The following NKAIN3 variants were observed in gnomAD, a reference collection of about 807,000 sequenced individuals.
NKAIN3 encodes the protein sodium/potassium-transporting ATPase subunit beta-1-interacting protein 3.
A neutral mutation model predicts 30.2 loss-of-function variants in NKAIN3; 25 were observed. The ratio of observed to expected loss-of-function variants is 0.83; its 90% CI spans 0.60 to 1.16. The LOEUF (loss-of-function observed/expected upper bound fraction) is 1.16, where lower values mean the gene tolerates loss of function less well. Among genes scored for constraint, NKAIN3 ranks in the 50% most tolerant of loss-of-function variants. The probability of loss-of-function intolerance (pLI) is 0.00; values close to 1 mark genes in which losing one functional copy is unlikely to be tolerated. For synonymous variants in NKAIN3, 91 were observed against 89.6 expected, an observed-to-expected ratio of 1.02 and a Z score of -0.09; for missense variants, 225 against 254.1, an observed-to-expected ratio of 0.89 and a Z score of 0.78.
intron 4 of NKAIN3, among the ~76,000 whole-genome samples, chr8:62,807,734 G>A (rs1318967174): frequency 1.3e-5 from 2 of 149,104 alleles, no homozygotes; most frequent in African/African-American, 4.9e-5. Flanking sequence ...TGTATTTTTG[G>A]TAGTGATGGG....
intron 3 of NKAIN3, among the ~76,000 whole-genome samples, chr8:62,700,097 T>C (rs1023433604): frequency 3.9e-5 from 6 of 152,090 alleles, no homozygotes; most frequent in African/African-American, 1.4e-4. Flanking sequence ...TGTACTCCAG[T>C]CTGGGCAATA....
In NKAIN3 at chr8:62,869,497, T is replaced by C. The variant is rs115129804; in HGVS notation, c.472-48956T>C. ...GATGAAATATTAGAAGAAAAGAAAA[T>C]TGTTTTATGGAAATGTTTCTCCAAT... On this transcript the variant is annotated intron_variant, in intron 4 of 6. Coordinates refer to ENST00000623646, the MANE Select transcript of NKAIN3 (RefSeq NM_001304533.3). Among the ~76,000 whole-genome samples, 1,302 of 152,266 alleles carry C rather than the reference T, an allele frequency of 8.6e-3. 17 individuals carry two copies. The highest frequency in any genetic ancestry group is 0.03 in the African/African-American group (1,253 of 41,546).
At chr8:62,315,986 AC>A (rs975350556) in intron 1 of NKAIN3, among the ~76,000 whole-genome samples, 7 of 152,048 alleles carry the variant, frequency 4.6e-5, no homozygotes, top group African/African-American at 1.7e-4. Context: ...GGGGGCGGTT[AC>A]CCCCTTGTTG....
chr8:62,876,083 C>T (rs181909781), intron 4 of NKAIN3, among the ~76,000 whole-genome samples: 1 of 152,110 alleles, frequency 6.6e-6, no homozygotes, highest in South Asian at 2.1e-4. Flanking sequence ...ACCCATCTGA[C>T]AAGGGTGTAA....
At chr8:62,463,353 G>A (rs1387717990) in intron 1 of NKAIN3, among the ~76,000 whole-genome samples, 1 of 152,092 alleles carries the variant, frequency 6.6e-6, no homozygotes, top group Non-Finnish European at 1.5e-5. Context: ...AATTCACCTT[G>A]GAATGCACAG....
intron 1 of NKAIN3, among the ~76,000 whole-genome samples, chr8:62,436,219 A>G (rs1468460624): frequency 6.6e-6 from 1 of 152,194 alleles, no homozygotes. Flanking sequence ...ATAAATGAGG[A>G]TTTTAAAGTG....
intron 3 of NKAIN3, among the ~76,000 whole-genome samples, chr8:62,691,102 T>G (rs1439670913): frequency 6.6e-6 from 1 of 152,122 alleles, no homozygotes; most frequent in Non-Finnish European, 1.5e-5. Context: ...ATTTTAGAGT[T>G]TTTCACAGTT....
intron 1 of NKAIN3, among the ~76,000 whole-genome samples, chr8:62,539,699 C>T (rs1808778844): frequency 6.6e-6 from 1 of 152,146 alleles, no homozygotes; most frequent in Non-Finnish European, 1.5e-5. Context: ...AAGCAATCCT[C>T]CCACCTCAGC....
intron 1 of NKAIN3, among the ~76,000 whole-genome samples, chr8:62,522,664 T>A (rs1277009662): frequency 6.6e-6 from 1 of 151,984 alleles, no homozygotes; most frequent in African/African-American, 2.4e-5. Context: ...ATGGGTGTGT[T>A]CTTGTCTTAA....
intron 4 of NKAIN3, among the ~76,000 whole-genome samples, chr8:62,778,184 C>T (rs1366477329): frequency 1.3e-5 from 2 of 152,054 alleles, no homozygotes; most frequent in South Asian, 4.2e-4. Flanking sequence ...CTCCCACAGC[C>T]CATGGTAACC....
intron 1 of NKAIN3, among the ~76,000 whole-genome samples, chr8:62,511,988 C>T (rs920305810): frequency 6.6e-6 from 1 of 152,162 alleles, no homozygotes; most frequent in African/African-American, 2.4e-5. Flanking sequence ...TCTGTAAGAG[C>T]AGCAGCTGGG....
intron 3 of NKAIN3, among the ~76,000 whole-genome samples, chr8:62,746,679 A>G (rs74388214): frequency 6.6e-6 from 1 of 152,232 alleles, no homozygotes; most frequent in African/African-American, 2.4e-5. Context: ...TCATGTCTGG[A>G]TTTTTTAAAT....
At chr8:62,888,288 A>G (rs186160681) in intron 4 of NKAIN3, among the ~76,000 whole-genome samples, 91 of 152,306 alleles carry the variant, frequency 6.0e-4, no homozygotes, top group African/African-American at 2.1e-3. Context: ...GACATATTTC[A>G]AAACGGTTTC....
intron 1 of NKAIN3, among the ~76,000 whole-genome samples, chr8:62,484,004 C>T (rs1806819573): frequency 6.6e-6 from 1 of 152,166 alleles, no homozygotes; most frequent in African/African-American, 2.4e-5. Context: ...GTAGACACGC[C>T]AAGTGAAGGG....
In NKAIN3 at chr8:62,674,223, T is replaced by A. The variant is rs531047656; in HGVS notation, c.274-72709T>A. On this transcript the variant is annotated intron_variant, in intron 3 of 6. Coordinates refer to ENST00000623646, the MANE Select transcript of NKAIN3 (RefSeq NM_001304533.3). ...AGGAACTCAAAATTCCCCAAATAAG[T>A]CGGACTCTTGTGGCCTGGGCCTTGG... Among the ~76,000 whole-genome samples the A allele has an allele frequency of 9.2e-5, 14 of 152,320 alleles. 1 individual carries two copies. In the South Asian group the frequency reaches 2.9e-3, roughly 32 times the overall value.
intron 3 of NKAIN3, among the ~76,000 whole-genome samples, chr8:62,706,274 C>T (rs973265471): frequency 3.9e-5 from 6 of 152,040 alleles, no homozygotes; most frequent in Admixed American, 6.6e-5. Flanking sequence ...GTAGCATTCC[C>T]CAGCTGAAGA....
chr8:62,939,100 G>GCAAA (rs139127386), intron 5 of NKAIN3, among the ~76,000 whole-genome samples: 1,894 of 152,148 alleles, frequency 0.012, 42 homozygotes, highest in African/African-American at 0.044. Flanking sequence ...TTAGAGAAAT[G>GCAAA]CAAAATACAC....
intron 3 of NKAIN3, among the ~76,000 whole-genome samples, chr8:62,716,581 C>T (rs1814909798): frequency 6.6e-6 from 1 of 152,002 alleles, no homozygotes; most frequent in Non-Finnish European, 1.5e-5. Context: ...TTGATGTTTC[C>T]TAATGGGCCA....
chr8:62,515,652 G>A (rs1030955431), intron 1 of NKAIN3, among the ~76,000 whole-genome samples: 17 of 152,064 alleles, frequency 1.1e-4, no homozygotes, highest in East Asian at 3.9e-4. Context: ...ATTGCACCAC[G>A]GATTGCTTTC....
Sources: gnomAD v4.1 joint callset for allele counts (sites outside exome capture counted in the v4.1 genomes callset) on GRCh38, gnomAD v4.1.1 for gene constraint, MANE v1.5 for transcripts, NCBI Gene and HGNC (gene_info 2026-07-23, HGNC 2026-07-21) for gene names.